The following ABTB2 variants were observed in gnomAD, a reference collection of about 807,000 sequenced individuals.
ABTB2 encodes ankyrin repeat and BTB/POZ domain-containing protein 2.
A neutral mutation model predicts 104.1 loss-of-function variants in ABTB2; 56 were observed. The ratio of observed to expected loss-of-function variants is 0.54; its 90% CI spans 0.43 to 0.67. The LOEUF (loss-of-function observed/expected upper bound fraction) is 0.67, where lower values mean the gene tolerates loss of function less well. ABTB2 is among the 30% of genes least tolerant of loss of function. The pLI, the probability that ABTB2 is intolerant of heterozygous loss-of-function variation, is 0.00. For synonymous variants in ABTB2, 606 were observed against 608.2 expected, an observed-to-expected ratio of 1.00 and a Z score of 0.05; for missense variants, 1,279 against 1,407.7, an observed-to-expected ratio of 0.91 and a Z score of 1.46.
intron 1 of ABTB2, among the ~76,000 whole-genome samples, chr11:34,294,512 G>C (rs958699357): frequency 7.9e-5 from 12 of 152,272 alleles, no homozygotes; most frequent in African/African-American, 2.9e-4. Flanking sequence ...TGCTTCCCAG[G>C]AGTATCGCTA....
At chr11:34,332,711 G>C (rs2133117806) in intron 1 of ABTB2, among the ~76,000 whole-genome samples, 1 of 152,102 alleles carries the variant, frequency 6.6e-6, no homozygotes, top group Non-Finnish European at 1.5e-5. Flanking sequence ...TGTTGATTTT[G>C]CTAATAGAGC....
In ABTB2 at chr11:34,154,593, TC is replaced by T; in HGVS notation, c.2766+107del. The T allele has an allele frequency of 1.7e-6, 2 of 1,164,280 alleles. No individual in the cohort carries two copies. Among genetic ancestry groups the T allele is most frequent in the Admixed American group, 3.7e-5 (2 of 53,702 alleles). The allele number at this position is 1,164,280 out of a possible 1,614,324, so 72.1% of individuals were successfully genotyped here. On this transcript the variant is annotated intron_variant, in intron 15 of 16. Coordinates refer to ENST00000435224, the MANE Select transcript of ABTB2 (RefSeq NM_145804.3). This position sits in a 1 kb window ranked among gnomAD's most constrained non-coding sequence, Gnocchi z 4.9. ...AGTTCCTCTTTCTGGGAACTGCTCTTCCTGTCAGATGGAGAGGAAGAGCCAC... is the reference window on the plus strand; with the variant it reads ...AGTTCCTCTTTCTGGGAACTGCTCTTCTGTCAGATGGAGAGGAAGAGCCAC...
intron 1 of ABTB2, among the ~76,000 whole-genome samples, chr11:34,302,891 T>G (rs1333334411): frequency 6.6e-6 from 1 of 152,202 alleles, no homozygotes; most frequent in African/African-American, 2.4e-5. Context: ...AGTCCCCAGT[T>G]ATAAATGGGA....
chr11:34,279,596 C>A (rs1470519585), intron 1 of ABTB2, among the ~76,000 whole-genome samples: 1 of 152,102 alleles, frequency 6.6e-6, no homozygotes, highest in Non-Finnish European at 1.5e-5. Flanking sequence ...ATTTATGAAT[C>A]CTTAACTTTA....
At chr11:34,339,075 T>A (rs899123749) in intron 1 of ABTB2, among the ~76,000 whole-genome samples, 8 of 152,300 alleles carry the variant, frequency 5.3e-5, no homozygotes, top group Non-Finnish European at 1.2e-4. Context: ...TTTATATACA[T>A]TTTGCTATTT....
intron 1 of ABTB2, among the ~76,000 whole-genome samples, chr11:34,309,597 C>T (rs750807230): frequency 2.0e-5 from 3 of 151,916 alleles, no homozygotes; most frequent in Middle Eastern, 3.4e-3. Flanking sequence ...AACGTGGCCA[C>T]GATTTCCCCA....
chr11:34,202,973 T>A (rs1023850962), intron 2 of ABTB2, among the ~76,000 whole-genome samples: 19 of 152,170 alleles, frequency 1.2e-4, no homozygotes, highest in Admixed American at 4.6e-4. Flanking sequence ...TGGCTAGCGG[T>A]AATGGCAGAA....
chr11:34,290,218 A>G (rs1434522468), intron 1 of ABTB2, among the ~76,000 whole-genome samples: 1 of 152,242 alleles, frequency 6.6e-6, no homozygotes, highest in East Asian at 1.9e-4. Flanking sequence ...TCTAGATTAC[A>G]TTTGTATCAA....
chr11:34,355,254 G>A (rs1399374789), intron 1 of ABTB2, among the ~76,000 whole-genome samples: 4 of 150,542 alleles, frequency 2.7e-5, no homozygotes, highest in Non-Finnish European at 5.9e-5. Context: ...GAGAGCTATA[G>A]TCCAGTAAGA....
At chr11:34,246,289 T>G (rs1001748247) in intron 1 of ABTB2, among the ~76,000 whole-genome samples, 2 of 152,162 alleles carry the variant, frequency 1.3e-5, no homozygotes, top group Non-Finnish European at 2.9e-5. Flanking sequence ...TACAAGGGCT[T>G]TTTTGTTTGG....
Position 34,173,291 on chromosome 11 carries a change from GC to G in ABTB2, c.1260del (p.Pro421ArgfsTer103), listed in dbSNP as rs1328510892. 6.3e-7 allele frequency: 1 copy of G among 1,598,962 alleles called. No individual in the cohort carries two copies. The highest frequency in any genetic ancestry group is 8.5e-7 in the Non-Finnish European group (1 of 1,172,936). ...ACGCGCATCCACTCCATGAGGGGCGGCAGCAGCATGAAGGGCCTGTGGGGCA... is the reference window on the plus strand; with the variant it reads ...ACGCGCATCCACTCCATGAGGGGCGGAGCAGCATGAAGGGCCTGTGGGGCA... ...TLNNERPFML[L>X]PPLMEWMRVA... On this transcript the variant is annotated frameshift_variant, in exon 4 of 17. Transcript: ENST00000435224. LOFTEE classifies it high-confidence loss of function.
intron 1 of ABTB2, among the ~76,000 whole-genome samples, chr11:34,303,636 CTTTTTTTT>C (rs35677380): frequency 1.3e-5 from 1 of 79,088 alleles, no homozygotes; most frequent in Non-Finnish European, 2.2e-5. Flanking sequence ...ACTATGGGTG[CTTTTTTTT>C]TTTTTTTTTT....
chr11:34,260,227 G>A (rs1027137651), intron 1 of ABTB2, among the ~76,000 whole-genome samples: 2 of 152,192 alleles, frequency 1.3e-5, no homozygotes, highest in East Asian at 3.8e-4. Flanking sequence ...GCGCTTGGAG[G>A]CTTCTCGCCA....
rs759015488 is a variant in ABTB2, at chr11:34,356,832, C to T, written c.752G>A (p.Ser251Asn). The T allele has an allele frequency of 5.0e-6, 8 of 1,606,390 alleles. No homozygotes were observed. The East Asian group carries it at 1.8e-4, about 36-fold the overall frequency. The change falls in exon 1 of 17, where the codon AGC (serine) becomes AAC (asparagine). Residue 251 changes from serine (S) to asparagine (N), a missense_variant. Physicochemically the swap from Ser to Asn is conservative, Grantham distance 46 (BLOSUM62 1). Coordinates refer to ENST00000435224, the MANE Select transcript of ABTB2 (RefSeq NM_145804.3). This position sits in a 1 kb window ranked among gnomAD's most constrained non-coding sequence, Gnocchi z 4.6. ...GCCTCCGGCCCCTCCGCCATCAGGGCTGTGGCTGGCCATCACCCTGGCCCG... is the reference window on the plus strand; with the variant it reads ...GCCTCCGGCCCCTCCGCCATCAGGGTTGTGGCTGGCCATCACCCTGGCCCG... ...EIRARVMASHSPDGGGAGGGE... is the reference protein window; with the variant it reads ...EIRARVMASHNPDGGGAGGGE...
At chr11:34,240,600 C>T (rs1002810875) in intron 1 of ABTB2, among the ~76,000 whole-genome samples, 5 of 152,202 alleles carry the variant, frequency 3.3e-5, no homozygotes, top group African/African-American at 7.2e-5. Flanking sequence ...TTCTCCTCCC[C>T]GCCTTTTTTT....
chr11:34,310,173 C>T (rs111498900), intron 1 of ABTB2, among the ~76,000 whole-genome samples: 41 of 152,166 alleles, frequency 2.7e-4, no homozygotes, highest in African/African-American at 7.5e-4. Context: ...AGGAAGGGCT[C>T]GAGAAGTAAT....
intron 16 of ABTB2, 85 bp from the exon 17 acceptor site, chr11:34,152,669 G>A: frequency 1.5e-6 from 2 of 1,341,970 alleles, no homozygotes; most frequent in Non-Finnish European, 2.1e-6. Context: ...CCTACCCATG[G>A]CCACAGCCCT....
intron 3 of ABTB2, among the ~76,000 whole-genome samples, chr11:34,196,285 G>A (rs556512774): frequency 1.3e-5 from 2 of 152,330 alleles, no homozygotes; most frequent in South Asian, 4.1e-4. Flanking sequence ...CGGGCGCGGT[G>A]GCTCACGCCT....
At chr11:34,217,539 A>G (rs7109677) in intron 1 of ABTB2, among the ~76,000 whole-genome samples, 8,562 of 152,100 alleles carry the variant, frequency 0.056, 810 homozygotes, top group African/African-American at 0.19. Flanking sequence ...CTGGCTCACC[A>G]CAATCTTCGC....
Sources: allele counts gnomAD v4.1 joint callset (sites outside exome capture counted in the v4.1 genomes callset), GRCh38; gene constraint gnomAD v4.1.1; non-coding constraint Gnocchi (gnomAD v3.1); transcripts MANE v1.5; gene names NCBI Gene and HGNC (gene_info 2026-07-23, HGNC 2026-07-21).